The following ADGRL3 variants were observed in gnomAD, a reference collection of about 807,000 sequenced individuals.
ADGRL3 encodes the protein calcium-independent alpha-latrotoxin receptor 3.
A neutral mutation model predicts 153.5 loss-of-function variants in ADGRL3; 62 were observed. That is an observed-to-expected ratio of 0.40 (90% CI 0.33 to 0.50). ADGRL3 has a LOEUF of 0.50. ADGRL3 is among the 20% of genes least tolerant of loss of function. ADGRL3 has a pLI of 0.47. For synonymous variants in ADGRL3, 710 were observed against 672.5 expected, an observed-to-expected ratio of 1.06 and a Z score of -0.86; for missense variants, 1,641 against 1,859.4, an observed-to-expected ratio of 0.88 and a Z score of 2.16.
chr4:61,339,798 A>C (rs17090441), intron 1 of ADGRL3, among the ~76,000 whole-genome samples: 1,628 of 152,260 alleles, frequency 0.011, 32 homozygotes, highest in African/African-American at 0.038. Context: ...GTGGTTCTAC[A>C]TGGTGATGGA....
intron 4 of ADGRL3, among the ~76,000 whole-genome samples, chr4:61,527,209 T>C (rs1420871837): frequency 6.6e-6 from 1 of 152,052 alleles, no homozygotes; most frequent in Non-Finnish European, 1.5e-5. Flanking sequence ...GTTTCACATC[T>C]GAAAGAAAAA....
In ADGRL3 at chr4:61,528,156, A is replaced by G. The variant is rs1185592544; in HGVS notation, c.259+10638A>G. On this transcript the variant is annotated intron_variant, in intron 4 of 26. Transcript: ENST00000683033. ...CCTCATTTTTCAAATAGAAATAATA[A>G]CGGTCATAACTCATAGGATTGTTGT... Among the ~76,000 whole-genome samples, 4 of 152,302 alleles carry G rather than the reference A, an allele frequency of 2.6e-5. No individual in the cohort carries two copies. In the South Asian group the frequency reaches 8.3e-4, roughly 32 times the overall value.
chr4:62,054,453 T>C (rs1488198873), intron 25 of ADGRL3, among the ~76,000 whole-genome samples: 1 of 151,780 alleles, frequency 6.6e-6, no homozygotes, highest in East Asian at 1.9e-4. Context: ...TCTAGCTAAT[T>C]ATATGAATAA....
chr4:61,676,312 T>C lies in ADGRL3; in HGVS notation c.474-514T>C, dbSNP rs191632719. ...ACAAAATAAATTCAAATATCAATTTTAACATTTAAATATTAACTTTTTACT... is the reference window on the plus strand; with the variant it reads ...ACAAAATAAATTCAAATATCAATTTCAACATTTAAATATTAACTTTTTACT... On this transcript the variant is annotated intron_variant, in intron 5 of 26. Coordinates refer to ENST00000683033, the MANE Select transcript of ADGRL3 (RefSeq NM_001387552.1). Among the ~76,000 whole-genome samples the C allele has an allele frequency of 1.4e-3, 211 of 152,108 alleles. 2 individuals are homozygous for C. Among genetic ancestry groups the C allele is most frequent in the African/African-American group, 4.7e-3 (196 of 41,550 alleles).
intron 1 of ADGRL3, among the ~76,000 whole-genome samples, chr4:61,305,054 T>G (rs955080401): frequency 2.0e-5 from 3 of 152,204 alleles, no homozygotes; most frequent in African/African-American, 4.8e-5. Flanking sequence ...GAAGACTGTT[T>G]TATTCAAAAT....
chr4:61,809,135 C>T (rs896726639), intron 8 of ADGRL3, among the ~76,000 whole-genome samples: 1 of 151,978 alleles, frequency 6.6e-6, no homozygotes, highest in Non-Finnish European at 1.5e-5. Flanking sequence ...CCTGGAGGAC[C>T]ATCAGCTATT....
intron 6 of ADGRL3, among the ~76,000 whole-genome samples, chr4:61,709,150 C>G (rs1327292737): frequency 2.6e-5 from 4 of 152,086 alleles, no homozygotes; most frequent in Non-Finnish European, 5.9e-5. Context: ...AGAAAATTTC[C>G]TAATTTGTTA....
chr4:61,822,710 G>A (rs2097766947), intron 9 of ADGRL3, among the ~76,000 whole-genome samples: 1 of 152,188 alleles, frequency 6.6e-6, no homozygotes, highest in East Asian at 1.9e-4. Flanking sequence ...TTATCCCAGA[G>A]AGTAGAATGA....
At chr4:61,686,285 C>T (rs545154232) in intron 6 of ADGRL3, among the ~76,000 whole-genome samples, 10 of 152,052 alleles carry the variant, frequency 6.6e-5, no homozygotes, top group African/African-American at 2.4e-4. Context: ...GTTTTCATCC[C>T]AAAGTATTTG....
intron 2 of ADGRL3, among the ~76,000 whole-genome samples, chr4:61,405,936 A>C (rs2096989548): frequency 6.6e-6 from 1 of 152,010 alleles, no homozygotes; most frequent in Non-Finnish European, 1.5e-5. Context: ...ACTTATAGTT[A>C]CATTATACTT....
intron 1 of ADGRL3, among the ~76,000 whole-genome samples, chr4:61,235,088 T>G (rs1477784429): frequency 1.3e-5 from 2 of 152,122 alleles, no homozygotes; most frequent in African/African-American, 4.8e-5. Context: ...CAGTATCTAC[T>G]TTAAGGCTAT....
intron 5 of ADGRL3, among the ~76,000 whole-genome samples, chr4:61,651,010 C>T (rs2094224589): frequency 6.6e-6 from 1 of 152,000 alleles, no homozygotes; most frequent in Admixed American, 6.6e-5. Flanking sequence ...AAGGAAATGA[C>T]AAAGAGATTT....
At chr4:62,006,017 T>C (rs2099157218) in intron 21 of ADGRL3, among the ~76,000 whole-genome samples, 2 of 101,084 alleles carry the variant, frequency 2.0e-5, no homozygotes, top group African/African-American at 3.6e-5. Context: ...TATATATATA[T>C]ATATATATAT....
intron 4 of ADGRL3, among the ~76,000 whole-genome samples, chr4:61,541,187 G>A (rs1386043621): frequency 6.6e-6 from 1 of 152,068 alleles, no homozygotes; most frequent in African/African-American, 2.4e-5. Context: ...GCAAATAAAA[G>A]TACTGAAGCA....
intron 13 of ADGRL3, among the ~76,000 whole-genome samples, chr4:61,924,190 C>A (rs2098783774): frequency 6.6e-6 from 1 of 152,122 alleles, no homozygotes; most frequent in Non-Finnish European, 1.5e-5. Flanking sequence ...TCTAACACAG[C>A]TGATCACCCC....
chr4:61,200,407 C>T lies in ADGRL3; in HGVS notation c.-1598C>T, dbSNP rs1734236310. On this transcript the variant is annotated 5_prime_UTR_variant, in exon 1 of 27. Coordinates refer to ENST00000683033, the MANE Select transcript of ADGRL3 (RefSeq NM_001387552.1). ...CCCCGCGCGCCCGCGCTCTGACCCG[C>T]TGTCTGCGCGTCGCCCCCCTCGCCT... Among the ~76,000 whole-genome samples, 1 of 151,818 alleles carries T rather than the reference C, an allele frequency of 6.6e-6. No homozygotes were observed. Among genetic ancestry groups the T allele is most frequent in the Non-Finnish European group, 1.5e-5 (1 of 67,948 alleles).
In ADGRL3 at chr4:61,859,201, G is replaced by A. The variant is rs1417988363; in HGVS notation, c.1481-33455G>A. The stretch of plus-strand genomic sequence containing the variant: ...CATTTGAAAAGTCTGTTTAAGGGAT[G>A]GATGGTTAGCAAAATGTTAAATACC... On this transcript the variant is annotated intron_variant, in intron 9 of 26. Transcript: ENST00000683033. Among the ~76,000 whole-genome samples, 6 of 152,252 alleles carry A rather than the reference G, an allele frequency of 3.9e-5. 1 individual carries two copies. The Middle Eastern group carries it at 0.014, about 345-fold the overall frequency.
At chr4:61,856,597 TCTCTCTC>T (rs1226250691) in intron 9 of ADGRL3, among the ~76,000 whole-genome samples, 4 of 54,656 alleles carry the variant, frequency 7.3e-5, no homozygotes, top group Non-Finnish European at 1.4e-4. Flanking sequence ...TCTCTCTCTC[TCTCTCTC>T]TTTTTTTTTT....
chr4:61,647,810 A>G (rs1473003808), intron 5 of ADGRL3, among the ~76,000 whole-genome samples: 2 of 152,136 alleles, frequency 1.3e-5, no homozygotes, highest in Non-Finnish European at 2.9e-5. Context: ...TGCATTTATT[A>G]ATAGCCCTTT....
Sources: gnomAD v4.1 joint callset for allele counts (sites outside exome capture counted in the v4.1 genomes callset) on GRCh38, gnomAD v4.1.1 for gene constraint, MANE v1.5 for transcripts, NCBI Gene and HGNC (gene_info 2026-07-23, HGNC 2026-07-21) for gene names.